ARMC9: variants seen among roughly 807,000 people sequenced by gnomAD.
The protein encoded by ARMC9 is armadillo repeat containing 9, also known as lisH domain-containing protein ARMC9.
A neutral mutation model predicts 107.0 loss-of-function variants in ARMC9; 94 were observed. The observed-to-expected ratio is 0.88, with a 90% confidence interval of 0.74 to 1.04. ARMC9 has a LOEUF of 1.04. ARMC9 is among the 50% of genes least tolerant of loss of function. ARMC9 has a pLI of 0.00. For missense variants in ARMC9, 942 were observed against 1,030.1 expected (o/e 0.91, Z 1.17); for synonymous variants, 380 against 396.9 (o/e 0.96, Z 0.51).
At position 231,216,768 on chromosome 2, in the gene ARMC9, A is replaced by G. The variant is rs2033549612; in HGVS notation, c.479A>G (p.His160Arg). ...ALPFVPNPMV[H>R]PSFKELFQDS... ...CCTTTTGTTCCCAACCCTATGGTGC[A>G]CCCCTCATTTAAAGAACTCTTCCAG... The change falls in exon 5 of 25, where the codon CAC becomes CGC. Residue 160 changes from histidine (H) to arginine (R), a missense_variant. His to Arg is a conservative substitution (Grantham distance 29). Coordinates refer to ENST00000611582, the MANE Select transcript of ARMC9 (RefSeq NM_001352754.2). The G allele has an allele frequency of 1.2e-6, 2 of 1,613,218 alleles. No homozygotes were observed. The highest frequency in any genetic ancestry group is 1.7e-6 in the Non-Finnish European group (2 of 1,179,774).
chr2:231,234,690 G>C (rs2035551047), intron 7 of ARMC9, among the ~76,000 whole-genome samples: 1 of 152,142 alleles, frequency 6.6e-6, no homozygotes. Context: ...TGCAACTGCT[G>C]CCTCCCAGGT....
At chr2:231,356,441 A>G (rs1257152262) in intron 22 of ARMC9, among the ~76,000 whole-genome samples, 1 of 152,244 alleles carries the variant, frequency 6.6e-6, no homozygotes, top group East Asian at 1.9e-4. Flanking sequence ...AAAAATATAT[A>G]TACTTTGAAT....
intron 21 of ARMC9, among the ~76,000 whole-genome samples, chr2:231,347,631 T>C (rs1255226460): frequency 6.6e-6 from 1 of 152,150 alleles, no homozygotes; most frequent in Non-Finnish European, 1.5e-5. Context: ...TTTTTCTCCA[T>C]GTAGAGAGCC....
rs2046186138 is a variant in ARMC9 at position 231,376,029 on chromosome 2, A to G, written c.*4494A>G. ...TACAGTCTCTAAACATAAGTTGTGA[A>G]TATTTCATGGACACTTATCACTTCC... On this transcript the variant is annotated 3_prime_UTR_variant, in exon 25 of 25. Coordinates refer to ENST00000611582, the MANE Select transcript of ARMC9 (RefSeq NM_001352754.2). Among the ~76,000 whole-genome samples the G allele has an allele frequency of 6.6e-6, 1 of 152,218 alleles. No individual in the cohort carries two copies. The highest frequency in any genetic ancestry group is 6.5e-5 in the Admixed American group (1 of 15,284).
At chr2:231,323,524 G>A (rs943656978) in intron 19 of ARMC9, among the ~76,000 whole-genome samples, 3 of 152,134 alleles carry the variant, frequency 2.0e-5, no homozygotes, top group Non-Finnish European at 2.9e-5. Context: ...CTCAACTAGC[G>A]CAGCTCAGTT....
At chr2:231,284,689 T>C (rs2040457730) in intron 17 of ARMC9, among the ~76,000 whole-genome samples, 1 of 152,168 alleles carries the variant, frequency 6.6e-6, no homozygotes, top group African/African-American at 2.4e-5. Context: ...CCATCGCATT[T>C]ATTGTCTTGG....
intron 19 of ARMC9, among the ~76,000 whole-genome samples, chr2:231,304,084 G>T (rs2041912850): frequency 6.6e-6 from 1 of 151,984 alleles, no homozygotes; most frequent in Admixed American, 6.6e-5. Context: ...ACAAAAGTTA[G>T]CTGGGTGTGG....
At chr2:231,226,665 A>G in intron 6 of ARMC9, 109 bp from the exon 7 acceptor site, 1 of 1,334,594 alleles carries the variant, frequency 7.5e-7, no homozygotes, top group African/African-American at 1.5e-5. Flanking sequence ...GGCTCCGAGA[A>G]TTCTGTTTCA....
chr2:231,251,995 T>C (rs1359963976), intron 9 of ARMC9, among the ~76,000 whole-genome samples: 1 of 152,234 alleles, frequency 6.6e-6, no homozygotes, highest in Non-Finnish European at 1.5e-5. Context: ...CCAGCTTTGT[T>C]TATTTTATTA....
chr2:231,239,371 G>A (rs958770080), intron 8 of ARMC9, among the ~76,000 whole-genome samples: 11 of 152,166 alleles, frequency 7.2e-5, no homozygotes, highest in African/African-American at 2.7e-4. Context: ...TCAGCCGCAC[G>A]TTGTCGAGCA....
intron 19 of ARMC9, among the ~76,000 whole-genome samples, chr2:231,322,979 G>T (rs927653400): frequency 6.6e-6 from 1 of 152,118 alleles, no homozygotes; most frequent in Non-Finnish European, 1.5e-5. Flanking sequence ...TGCCCTTGTC[G>T]CCCAGTGCAC....
chr2:231,254,096 C>T (rs1479270438), intron 9 of ARMC9, among the ~76,000 whole-genome samples: 1 of 152,012 alleles, frequency 6.6e-6, no homozygotes, highest in Non-Finnish European at 1.5e-5. Context: ...AGTTGCATGC[C>T]TCATTCACAC....
rs992301024 is a variant in ARMC9, at chr2:231,276,792, T to G, written c.1474+17T>G. On this transcript the variant is annotated intron_variant, in intron 15 of 24. Coordinates refer to ENST00000611582, the MANE Select transcript of ARMC9 (RefSeq NM_001352754.2). ...GCAGCACAGGTCTCAGCCCCGACCCTCATTCTAGTGCAAGAAGGGGAAGAG... is the reference window on the plus strand; with the variant it reads ...GCAGCACAGGTCTCAGCCCCGACCCGCATTCTAGTGCAAGAAGGGGAAGAG... 9.9e-6 allele frequency: 16 copies of G among 1,612,954 alleles called. No homozygotes were observed. Among genetic ancestry groups the G allele is most frequent in the Non-Finnish European group, 1.3e-5 (15 of 1,179,442 alleles).
At chr2:231,351,028 G>C in intron 21 of ARMC9, among the ~76,000 whole-genome samples, 1 of 122,350 alleles carries the variant, frequency 8.2e-6, no homozygotes, top group Admixed American at 1.0e-4. Flanking sequence ...GCACGATCTC[G>C]GCTCACTGCA....
At chr2:231,350,547 C>T (rs2045016340) in intron 21 of ARMC9, among the ~76,000 whole-genome samples, 1 of 150,592 alleles carries the variant, frequency 6.6e-6, no homozygotes, top group Non-Finnish European at 1.5e-5. Context: ...GCTTCAGTCC[C>T]AGAGGTCGTG....
At chr2:231,234,491 G>A (rs1389071088) in intron 7 of ARMC9, among the ~76,000 whole-genome samples, 1 of 152,182 alleles carries the variant, frequency 6.6e-6, no homozygotes, top group Non-Finnish European at 1.5e-5. Flanking sequence ...TTAAAATAAA[G>A]AAGTGTCCTG....
chr2:231,226,854 A>G (rs891323291), intron 7 of ARMC9, 56 bp downstream of exon 7: 75 of 1,559,058 alleles, frequency 4.8e-5, no homozygotes, highest in Non-Finnish European at 6.5e-5. Context: ...TCAGGTTTGA[A>G]GTAGTAAGAT....
At chr2:231,337,913 A>C (rs927686165) in intron 20 of ARMC9, among the ~76,000 whole-genome samples, 2 of 152,198 alleles carry the variant, frequency 1.3e-5, no homozygotes, top group African/African-American at 4.8e-5. Context: ...AGTCTACCCA[A>C]CCAGAGGTAA....
At chr2:231,251,500 C>T (rs1327588158) in intron 9 of ARMC9, among the ~76,000 whole-genome samples, 1 of 152,124 alleles carries the variant, frequency 6.6e-6, no homozygotes, top group Non-Finnish European at 1.5e-5. Flanking sequence ...CTTAACAATC[C>T]TGTGAGGTAG....
Sources: gnomAD v4.1 joint callset for allele counts (sites outside exome capture counted in the v4.1 genomes callset) on GRCh38, gnomAD v4.1.1 for gene constraint, MANE v1.5 for transcripts, NCBI Gene and HGNC (gene_info 2026-07-23, HGNC 2026-07-21) for gene names.